The following ZNF470 variants were observed in gnomAD, a reference collection of about 807,000 sequenced individuals.
ZNF470 encodes chondrogenesis zinc finger protein 1.
Under a neutral mutation model 13.9 loss-of-function variants are expected in ZNF470, and 13 were observed. The ratio of observed to expected loss-of-function variants is 0.94; its 90% confidence interval spans 0.61 to 1.49. The LOEUF is 1.49. Ranked by LOEUF, ZNF470 falls within the 40% of genes most tolerant of loss-of-function variation. The probability of loss-of-function intolerance (pLI) is 0.00; values close to 1 mark genes in which losing one functional copy is unlikely to be tolerated. For synonymous variants in ZNF470, 293 were observed against 282.9 expected, an observed-to-expected ratio of 1.04 and a Z score of -0.36; for missense variants, 929 against 857.3, an observed-to-expected ratio of 1.08 and a Z score of -1.04.
intron 3 of ZNF470, among the ~76,000 whole-genome samples, chr19:56,572,389 T>TATATATAA (rs1176889939): frequency 7.7e-5 from 3 of 38,956 alleles, no homozygotes; most frequent in Admixed American, 2.9e-4. Context: ...TATATATATA[T>TATATATAA]AAATTAGCCA....
rs2044523882 is a variant in ZNF470, at chr19:56,580,060, T to C, written c.*1477T>C. The C allele has an allele frequency of 2.7e-6, 2 of 739,284 alleles. No individual in the cohort carries two copies. Among genetic ancestry groups the C allele is most frequent in the African/African-American group, 1.9e-5 (1 of 52,236 alleles). The allele number at this position is 739,284 out of a possible 1,614,324, so 45.8% of individuals were successfully genotyped here. A position where few individuals can be genotyped will look rare whatever the true frequency, so the allele number is the denominator to read the frequency against. ...AGAACAGAAAAAATTAAATGCATGC[T>C]ATGTGATAAGTATATGATATGTCCC... On this transcript the variant is annotated 3_prime_UTR_variant, in exon 6 of 6. Transcript: ENST00000330619.
chr19:56,569,173 T>A (rs1189295883), intron 2 of ZNF470, among the ~76,000 whole-genome samples: 4 of 152,228 alleles, frequency 2.6e-5, no homozygotes, highest in Admixed American at 2.6e-4. Context: ...GCAGTGGAAT[T>A]TAGATGAAAG....
At position 56,577,414 on chromosome 19, in the gene ZNF470, C is replaced by T. The variant is rs1260202514; in HGVS notation, c.985C>T (p.Gln329Ter). The change falls in exon 6 of 6, where the codon CAA becomes TAA. Residue 329 changes from glutamine (Q) to a stop codon, truncating the protein, a stop_gained. Coordinates refer to ENST00000330619, the MANE Select transcript of ZNF470 (RefSeq NM_001001668.4). LOFTEE classifies it low-confidence loss of function (END_TRUNC). ...ATTCAGCCAGCTTGCACACCTTGCT[C>T]AACATCAGAGGGTCCACACTGGAGA... ...KAFSQLAHLAQHQRVHTGEKP... is the reference protein window; with the variant it reads ...KAFSQLAHLA 1 of 1,613,974 alleles carries T rather than the reference C, an allele frequency of 6.2e-7. No homozygotes were observed. Among genetic ancestry groups the T allele is most frequent in the Admixed American group, 1.7e-5 (1 of 59,980 alleles).
rs887432288 is a variant in ZNF470 at position 56,580,694 on chromosome 19, A to G, written c.*2111A>G. Reference sequence around the variant, plus strand: ...AGAGGGCCATGTGAGGGAAGCCGTTATCCAGAGTACATGACTGCTAGAAAA... The same window carrying G: ...AGAGGGCCATGTGAGGGAAGCCGTTGTCCAGAGTACATGACTGCTAGAAAA... On this transcript the variant is annotated 3_prime_UTR_variant, in exon 6 of 6. Transcript: ENST00000330619. 1 of 233,846 alleles carries G rather than the reference A, an allele frequency of 4.3e-6. No individual in the cohort carries two copies. The highest frequency in any genetic ancestry group is 6.5e-5 in the Admixed American group (1 of 15,276). 14.5% of individuals were successfully genotyped at this position (233,846 alleles called of 1,614,324 possible).
Position 56,582,708 on chromosome 19 carries a change from G to T in ZNF470, c.*4125G>T, listed in dbSNP as rs1453856163. 2 of 325,934 alleles carry T rather than the reference G, an allele frequency of 6.1e-6. No individual in the cohort carries two copies. Among genetic ancestry groups the T allele is most frequent in the African/African-American group, 4.5e-5 (2 of 44,420 alleles). 20.2% of individuals were successfully genotyped at this position (325,934 alleles called of 1,614,324 possible). ...CATAGGACTAGTGTCCTTATAAGAG[G>T]AAGAGACACCAGAGGTTTGTCTCTC... On this transcript the variant is annotated 3_prime_UTR_variant, in exon 6 of 6. Transcript: ENST00000330619.
intron 3 of ZNF470, among the ~76,000 whole-genome samples, chr19:56,573,486 G>A (rs768415877): frequency 6.6e-6 from 1 of 152,200 alleles, no homozygotes; most frequent in Non-Finnish European, 1.5e-5. Flanking sequence ...AAAGTCTGAT[G>A]TTGATATAAG....
chr19:56,582,407 T>C lies in ZNF470; in HGVS notation c.*3824T>C. ...AGATGTCTTACATTGTTTAAAGTCATAGGGTTAAGATGGCTCATAACCAAA... is the reference window on the plus strand; with the variant it reads ...AGATGTCTTACATTGTTTAAAGTCACAGGGTTAAGATGGCTCATAACCAAA... On this transcript the variant is annotated 3_prime_UTR_variant, in exon 6 of 6. Transcript: ENST00000330619. The C allele has an allele frequency of 3.0e-6, 3 of 985,420 alleles. No individual in the cohort carries two copies. The highest frequency in any genetic ancestry group is 3.6e-6 in the Non-Finnish European group (3 of 829,910). The allele number at this position is 985,420 out of a possible 1,614,324, so 61.0% of individuals were successfully genotyped here. A position where few individuals can be genotyped will look rare whatever the true frequency, so the allele number is the denominator to read the frequency against.
rs1419360306 is a variant in ZNF470, at chr19:56,578,339, C to T, written c.1910C>T (p.Thr637Ile). 1 of 1,612,794 alleles carries T rather than the reference C, an allele frequency of 6.2e-7. No individual in the cohort carries two copies. Residue 637 changes from threonine to isoleucine, a missense_variant, in exon 6 of 6, where the codon ACT becomes ATT. Physicochemically the swap from Thr to Ile is moderately conservative, Grantham distance 89. Coordinates refer to ENST00000330619, the MANE Select transcript of ZNF470 (RefSeq NM_001001668.4). Reference protein sequence around the residue: ...GKAFSHRKSLTLHQRIHTGEK... With the variant: ...GKAFSHRKSLILHQRIHTGEK... ...GCCTTTAGCCATCGTAAATCCCTTACTCTGCATCAGAGAATTCATACAGGA... is the reference window on the plus strand; with the variant it reads ...GCCTTTAGCCATCGTAAATCCCTTATTCTGCATCAGAGAATTCATACAGGA...
In ZNF470 at chr19:56,568,020, A is replaced by T; in HGVS notation, c.-177A>T. 1.0e-6 allele frequency: 1 copy of T among 985,696 alleles called. No homozygotes were observed. Among genetic ancestry groups the T allele is most frequent in the Non-Finnish European group, 1.2e-6 (1 of 830,108 alleles). 61.1% of individuals were successfully genotyped at this position (985,696 alleles called of 1,614,324 possible). A position where few individuals can be genotyped will look rare whatever the true frequency, so the allele number is the denominator to read the frequency against. On this transcript the variant is annotated 5_prime_UTR_variant, in exon 1 of 6. The change abolishes an upstream ATG in the 5' untranslated region. Transcript: ENST00000330619. ...CACAGGACGGCGAGGAGCGAAGACC[A>T]TGGGGACTGAGTACACAGGTAAGAG...
In ZNF470 at chr19:56,578,816, A is replaced by T. The variant is rs1321956160; in HGVS notation, c.*233A>T. ...AAACACTTGATTTGAAAAATATATT[A>T]ACTAATCCATTTCAAGGATTTAGCA... On this transcript the variant is annotated 3_prime_UTR_variant, in exon 6 of 6. Coordinates refer to ENST00000330619, the MANE Select transcript of ZNF470 (RefSeq NM_001001668.4). 8.3e-7 allele frequency: 1 copy of T among 1,205,396 alleles called. No individual in the cohort carries two copies. The highest frequency in any genetic ancestry group is 1.6e-5 in the African/African-American group (1 of 64,212). 74.7% of individuals were successfully genotyped at this position (1,205,396 alleles called of 1,614,324 possible). A position where few individuals can be genotyped will look rare whatever the true frequency, so the allele number is the denominator to read the frequency against.
Position 56,582,353 on chromosome 19 carries a change from CCT to C in ZNF470, c.*3771_*3772del, listed in dbSNP as rs1222120122. 1.0e-6 allele frequency: 1 copy of C among 985,108 alleles called. No homozygotes were observed. Among genetic ancestry groups the C allele is most frequent in the East Asian group, 1.1e-4 (1 of 8,814 alleles). The allele number at this position is 985,108 out of a possible 1,614,324, so 61.0% of individuals were successfully genotyped here. On this transcript the variant is annotated 3_prime_UTR_variant, in exon 6 of 6. Transcript: ENST00000330619. Reference sequence around the variant, plus strand: ...CTAGCATTAAGGCAAAAAAAATTCACCTAAGGGATTTTGTATGATATTGTTGA... The same window carrying C: ...CTAGCATTAAGGCAAAAAAAATTCACAAGGGATTTTGTATGATATTGTTGA...
chr19:56,575,222 C>T (rs1178372189), intron 5 of ZNF470, among the ~76,000 whole-genome samples: 5 of 151,836 alleles, frequency 3.3e-5, no homozygotes, highest in Non-Finnish European at 7.4e-5. Context: ...TTATACCACC[C>T]CACCCTTTGA....
At position 56,581,980 on chromosome 19, in the gene ZNF470, T is replaced by A. The variant is rs1293686966; in HGVS notation, c.*3397T>A. 1.0e-6 allele frequency: 1 copy of A among 985,328 alleles called. No individual in the cohort carries two copies. Among genetic ancestry groups the A allele is most frequent in the East Asian group, 1.1e-4 (1 of 8,830 alleles). The allele number at this position is 985,328 out of a possible 1,614,324, so 61.0% of individuals were successfully genotyped here. A position where few individuals can be genotyped will look rare whatever the true frequency, so the allele number is the denominator to read the frequency against. ...AAACTACCCATTGTCTTTCCGGTAC[T>A]TGATTTTTGCCTCCTGTTGGTCAGT... On this transcript the variant is annotated 3_prime_UTR_variant, in exon 6 of 6. Transcript: ENST00000330619.
In ZNF470 at chr19:56,581,591, C is replaced by T; in HGVS notation, c.*3008C>T. 1.2e-6 allele frequency: 1 copy of T among 806,998 alleles called. No individual in the cohort carries two copies. Among genetic ancestry groups the T allele is most frequent in the Non-Finnish European group, 1.5e-6 (1 of 667,536 alleles). 50.0% of individuals were successfully genotyped at this position (806,998 alleles called of 1,614,324 possible). A position where few individuals can be genotyped will look rare whatever the true frequency, so the allele number is the denominator to read the frequency against. On this transcript the variant is annotated 3_prime_UTR_variant, in exon 6 of 6. Transcript: ENST00000330619. ...TTGAAAAAAAATCAATGTGTGTAGT[C>T]ATAGAAAGATAGCTGTGCTATACTA...
Position 56,580,598 on chromosome 19 carries a change from C to CTT in ZNF470, c.*2028_*2029dup, listed in dbSNP as rs71840986. On this transcript the variant is annotated 3_prime_UTR_variant, in exon 6 of 6. Coordinates refer to ENST00000330619, the MANE Select transcript of ZNF470 (RefSeq NM_001001668.4). Reference sequence around the variant, plus strand: ...AGTTATGGCCATCCCTGGAAGAGTACTTTTTTTTTTTTTTCAACTGAAGCA... The same window carrying CTT: ...AGTTATGGCCATCCCTGGAAGAGTACTTTTTTTTTTTTTTTTCAACTGAAGCA... 0.42 allele frequency: 61,225 copies of CTT among 147,480 alleles called. 13,784 individuals are homozygous for CTT. The highest frequency in any genetic ancestry group is 0.61 in the African/African-American group (24,323 of 39,716). The allele number at this position is 147,480 out of a possible 1,614,324, so 9.1% of individuals were successfully genotyped here. A position where few individuals can be genotyped will look rare whatever the true frequency, so the allele number is the denominator to read the frequency against.
chr19:56,579,886 T>G lies in ZNF470; in HGVS notation c.*1303T>G. 2.1e-6 allele frequency: 1 copy of G among 473,280 alleles called. No individual in the cohort carries two copies. The highest frequency in any genetic ancestry group is 2.8e-6 in the Non-Finnish European group (1 of 362,328). The allele number at this position is 473,280 out of a possible 1,614,324, so 29.3% of individuals were successfully genotyped here. A position where few individuals can be genotyped will look rare whatever the true frequency, so the allele number is the denominator to read the frequency against. On this transcript the variant is annotated 3_prime_UTR_variant, in exon 6 of 6. Coordinates refer to ENST00000330619, the MANE Select transcript of ZNF470 (RefSeq NM_001001668.4). ...AAGCTGATTCTGATCATCTGTAGAATTTTGATTTTAACGAGGAATGTAGTT... is the reference window on the plus strand; with the variant it reads ...AAGCTGATTCTGATCATCTGTAGAAGTTTGATTTTAACGAGGAATGTAGTT...
chr19:56,575,452 A>AT (rs74269125), intron 5 of ZNF470, among the ~76,000 whole-genome samples: 1,562 of 138,024 alleles, frequency 0.011, 21 homozygotes, highest in African/African-American at 0.033. Context: ...ATTTCATTCA[A>AT]TTTTTTTTTT....
Position 56,578,154 on chromosome 19 carries a change from T to C in ZNF470, c.1725T>C (p.Ser575=), listed in dbSNP as rs1156350867. The C allele has an allele frequency of 2.5e-6, 4 of 1,613,920 alleles. No individual in the cohort carries two copies. The highest frequency in any genetic ancestry group is 3.4e-6 in the Non-Finnish European group (4 of 1,179,988). Residue 575 remains serine, a synonymous_variant, in exon 6 of 6, where the codon AGT becomes AGC. Coordinates refer to ENST00000330619, the MANE Select transcript of ZNF470 (RefSeq NM_001001668.4). ...GTATTGAATGTGGGAAGGCCTTTAG[T>C]GATGGCTCATATCTTGTTCAACATC... ...YECIECGKAF[S]DGSYLVQHQR...
In ZNF470 at chr19:56,578,818, CTAAT is replaced by C. The variant is rs1406163327; in HGVS notation, c.*236_*239del. 7.1e-5 allele frequency: 85 copies of C among 1,200,472 alleles called. No individual in the cohort carries two copies. The highest frequency in any genetic ancestry group is 1.1e-5 in the Non-Finnish European group (11 of 961,320). The allele number at this position is 1,200,472 out of a possible 1,614,324, so 74.4% of individuals were successfully genotyped here. A position where few individuals can be genotyped will look rare whatever the true frequency, so the allele number is the denominator to read the frequency against. On this transcript the variant is annotated 3_prime_UTR_variant, in exon 6 of 6. Transcript: ENST00000330619. ...ACACTTGATTTGAAAAATATATTAA[CTAAT>C]CCATTTCAAGGATTTAGCACACACT...
Sources: gnomAD v4.1 joint callset for allele counts (sites outside exome capture counted in the v4.1 genomes callset) on GRCh38, gnomAD v4.1.1 for gene constraint, MANE v1.5 for transcripts, NCBI Gene and HGNC (gene_info 2026-07-23, HGNC 2026-07-21) for gene names.